The following CLMP variants were observed in gnomAD, a reference collection of about 807,000 sequenced individuals.
CLMP encodes CXADR like cell adhesion molecule.
Under a neutral mutation model 45.2 loss-of-function variants are expected in CLMP, and 27 were observed. The observed-to-expected ratio is 0.60, with a 90% CI of 0.44 to 0.82. CLMP has a LOEUF of 0.82. Among genes scored for constraint, CLMP ranks in the 40% least tolerant of loss-of-function variants. CLMP has a pLI of 0.00. For synonymous variants in CLMP, 167 were observed against 171.4 expected (o/e 0.97, Z 0.20); for missense variants, 403 against 448.4 (o/e 0.90, Z 0.91).
chr11:123,074,450 G>C (rs1865711156), intron 6 of CLMP, among the ~76,000 whole-genome samples: 1 of 152,042 alleles, frequency 6.6e-6, no homozygotes, highest in African/African-American at 2.4e-5. Context: ...CCAAAGTGCT[G>C]GGATTACAGG....
At chr11:123,117,483 G>A (rs1860734723) in intron 1 of CLMP, among the ~76,000 whole-genome samples, 1 of 152,086 alleles carries the variant, frequency 6.6e-6, no homozygotes, top group African/African-American at 2.4e-5. Flanking sequence ...CTGGAGTGCA[G>A]TGGTACGATC....
chr11:123,181,699 G>A (rs1193667508), intron 1 of CLMP, among the ~76,000 whole-genome samples: 3 of 152,130 alleles, frequency 2.0e-5, no homozygotes, highest in African/African-American at 7.2e-5. Flanking sequence ...TCCACCCCCA[G>A]CTAGCCCTTT....
chr11:123,127,967 G>C (rs1860923005), intron 1 of CLMP, among the ~76,000 whole-genome samples: 1 of 149,116 alleles, frequency 6.7e-6, no homozygotes. Flanking sequence ...AACCAGGGAG[G>C]CAAAGGTTGC....
intron 1 of CLMP, among the ~76,000 whole-genome samples, chr11:123,155,051 C>T (rs1861393895): frequency 6.6e-6 from 1 of 152,174 alleles, no homozygotes. Context: ...TGCAGTGACA[C>T]GATCTCAGCT....
Position 123,084,549 on chromosome 11 carries a change from CCCTGAATTCTTAA to C in CLMP, c.338_350del (p.Val113GlyfsTer10). On this transcript the variant is annotated frameshift_variant, in exon 3 of 7. Transcript: ENST00000448775. LOFTEE classifies it high-confidence loss of function. ...AGATGACATGGCTCCACACGTAGCGCCCTGAATTCTTAACCTTACAGGTGTACCGGCCCTCATC... is the reference window on the plus strand; with the variant it reads ...AGATGACATGGCTCCACACGTAGCGCCCTTACAGGTGTACCGGCCCTCATC... The C allele has an allele frequency of 6.2e-7, 1 of 1,614,146 alleles. No individual in the cohort carries two copies. The highest frequency in any genetic ancestry group is 8.5e-7 in the Non-Finnish European group (1 of 1,180,028).
intron 1 of CLMP, among the ~76,000 whole-genome samples, chr11:123,108,555 T>G (rs1860592081): frequency 1.3e-5 from 2 of 148,932 alleles, no homozygotes; most frequent in African/African-American, 2.5e-5. Flanking sequence ...AGCCTGTGGG[T>G]TGGTTTTAGG....
At chr11:123,081,862 GA>G (rs569269048) in intron 5 of CLMP, among the ~76,000 whole-genome samples, 2,498 of 97,688 alleles carry the variant, frequency 0.026, 34 homozygotes, top group Middle Eastern at 0.07. Flanking sequence ...ACCCTGTCCA[GA>G]AAAAAAAAAA....
Position 123,070,316 on chromosome 11 carries a change from A to C in CLMP, c.*3158T>G, listed in dbSNP as rs917648699. ...CCAGTAGGGCCTCTAACTTAAGCCC[A>C]GAACCTGTCAAAGAGAAGTGCAGTA... On this transcript the variant is annotated 3_prime_UTR_variant, in exon 7 of 7. Transcript: ENST00000448775. 6.6e-6 allele frequency: 1 copy of C among 152,232 alleles called. No homozygotes were observed. The highest frequency in any genetic ancestry group is 2.4e-5 in the African/African-American group (1 of 41,462). 9.4% of individuals were successfully genotyped at this position (152,232 alleles called of 1,614,324 possible).
chr11:123,124,589 T>G (rs2135502734), intron 1 of CLMP, among the ~76,000 whole-genome samples: 1 of 152,228 alleles, frequency 6.6e-6, no homozygotes, highest in African/African-American at 2.4e-5. Context: ...CTTACATCAC[T>G]TTTTAGAATA....
chr11:123,189,685 T>C (rs2135553314), intron 1 of CLMP, among the ~76,000 whole-genome samples: 1 of 152,248 alleles, frequency 6.6e-6, no homozygotes, highest in Middle Eastern at 3.4e-3. Context: ...AGGTATGCTT[T>C]ATATGCACAT....
At chr11:123,077,038 G>A (rs539336127) in intron 5 of CLMP, among the ~76,000 whole-genome samples, 2 of 103,584 alleles carry the variant, frequency 1.9e-5, no homozygotes, top group Admixed American at 2.8e-4. Context: ...CGCTCTTGTT[G>A]CCCAGGCTGG....
At chr11:123,172,224 G>T (rs1861645206) in intron 1 of CLMP, among the ~76,000 whole-genome samples, 1 of 151,986 alleles carries the variant, frequency 6.6e-6, no homozygotes, top group African/African-American at 2.4e-5. Context: ...TGATTCTCCT[G>T]CCTCAGCCTC....
Position 123,195,113 on chromosome 11 carries a change from AGATGGGCTCC to A in CLMP, c.-183_-174del. 1 of 386,196 alleles carries A rather than the reference AGATGGGCTCC, an allele frequency of 2.6e-6. No homozygotes were observed. Among genetic ancestry groups the A allele is most frequent in the Non-Finnish European group, 4.3e-6 (1 of 234,758 alleles). The allele number at this position is 386,196 out of a possible 1,614,324, so 23.9% of individuals were successfully genotyped here. ...CCCCGCGCCCCGTGCCCCTGGGGGC[AGATGGGCTCC>A]CGGCGCTCGCCCCACCAGCTGGCGC... On this transcript the variant is annotated 5_prime_UTR_variant, in exon 1 of 7. Transcript: ENST00000448775.
At chr11:123,126,626 A>C (rs1180675103) in intron 1 of CLMP, among the ~76,000 whole-genome samples, 1 of 152,128 alleles carries the variant, frequency 6.6e-6, no homozygotes, top group Non-Finnish European at 1.5e-5. Context: ...GGCTGGGTGC[A>C]GTAGCTCACG....
intron 1 of CLMP, among the ~76,000 whole-genome samples, chr11:123,170,212 C>T (rs1371393981): frequency 2.6e-5 from 4 of 152,064 alleles, no homozygotes; most frequent in Admixed American, 2.6e-4. Flanking sequence ...CATTTCCTTC[C>T]TTATTTGTTA....
rs540659789 is a variant in CLMP at position 123,091,262 on chromosome 11, G to A, written c.186+6533C>T. ...TGGGACCACAGGCGCATGCCACCAC[G>A]TCCAGCTAATTTTTGTAGTTTTAGT... On this transcript the variant is annotated intron_variant, in intron 2 of 6. Transcript: ENST00000448775. Among the ~76,000 whole-genome samples the A allele has an allele frequency of 3.4e-4, 51 of 152,152 alleles. No homozygotes were observed. In the South Asian group the frequency reaches 5.0e-3, roughly 15 times the overall value.
rs1483888738 is a variant in CLMP, at chr11:123,135,266, A to AAAAAAG, written c.29-37315_29-37314insCTTTTT. Among the ~76,000 whole-genome samples the AAAAAAG allele has an allele frequency of 8.4e-5, 12 of 142,734 alleles. 1 individual carries two copies. The highest frequency in any genetic ancestry group is 3.3e-4 in the African/African-American group (12 of 35,974). The allele number at this position is 142,734 out of a possible 152,430, so 93.6% of individuals were successfully genotyped here. On this transcript the variant is annotated intron_variant, in intron 1 of 6. Coordinates refer to ENST00000448775, the MANE Select transcript of CLMP (RefSeq NM_024769.5). ...TAGAAAAAGACTCCGTCTCAAAAAA[A>AAAAAAG]AAAAAAAAACCTGAGAAAATTGTCA...
chr11:123,130,490 G>A (rs1860969484), intron 1 of CLMP, among the ~76,000 whole-genome samples: 1 of 152,192 alleles, frequency 6.6e-6, no homozygotes, highest in African/African-American at 2.4e-5. Context: ...TGGTTTTTAA[G>A]CAAGTCAGGA....
At chr11:123,083,575 C>A (rs1192408209) in intron 4 of CLMP, 105 bp downstream of exon 4, 2 of 1,138,684 alleles carry the variant, frequency 1.8e-6, no homozygotes, top group Non-Finnish European at 2.7e-6. Context: ...GGAGGTTCAG[C>A]AGGGTATTTC....
Sources: gnomAD v4.1 joint callset for allele counts (sites outside exome capture counted in the v4.1 genomes callset) on GRCh38, gnomAD v4.1.1 for gene constraint, MANE v1.5 for transcripts, NCBI Gene and HGNC (gene_info 2026-07-23, HGNC 2026-07-21) for gene names.